The following PLD5 variants were observed in gnomAD, a reference collection of about 807,000 sequenced individuals.
PLD5 encodes the protein inactive phospholipase D5.
Under a neutral mutation model 61.1 loss-of-function variants are expected in PLD5, and 36 were observed. The ratio of observed to expected loss-of-function variants is 0.59; its 90% confidence interval spans 0.45 to 0.78. PLD5 has a LOEUF of 0.78. Ranked by LOEUF, PLD5 falls within the 30% of genes least tolerant of loss-of-function variation. The pLI, the probability that PLD5 is intolerant of heterozygous loss-of-function variation, is 0.00. For synonymous variants in PLD5, 243 were observed against 242.8 expected, an observed-to-expected ratio of 1.00 and a Z score of -0.01; for missense variants, 515 against 644.4, an observed-to-expected ratio of 0.80 and a Z score of 2.17.
Position 242,084,113 on chromosome 1 carries a change from ATCT to A in PLD5, c.*5738_*5740del, listed in dbSNP as rs1326547205. The A allele has an allele frequency of 6.6e-6, 1 of 152,130 alleles. No individual in the cohort carries two copies. The highest frequency in any genetic ancestry group is 1.5e-5 in the Non-Finnish European group (1 of 68,010). The allele number at this position is 152,130 out of a possible 1,614,324, so 9.4% of individuals were successfully genotyped here. ...CTCATATAAAAATAAATCACAAATAATCTTCACCCTTACTATGATTTAATTGGA... is the reference window on the plus strand; with the variant it reads ...CTCATATAAAAATAAATCACAAATAATCACCCTTACTATGATTTAATTGGA... On this transcript the variant is annotated 3_prime_UTR_variant, in exon 10 of 10. Transcript: ENST00000536534.
At chr1:242,351,395 G>A (rs1264912191) in intron 1 of PLD5, among the ~76,000 whole-genome samples, 2 of 152,198 alleles carry the variant, frequency 1.3e-5, no homozygotes, top group Non-Finnish European at 2.9e-5. Context: ...TAATCCCCAT[G>A]TGTCATGGAA....
chr1:242,103,182 C>A (rs1660811955), intron 8 of PLD5, among the ~76,000 whole-genome samples: 1 of 152,130 alleles, frequency 6.6e-6, no homozygotes, highest in Non-Finnish European at 1.5e-5. Context: ...AACAGGGGCT[C>A]CTCTGAGTGC....
chr1:242,098,424 A>G (rs1574289182), intron 9 of PLD5, among the ~76,000 whole-genome samples: 1 of 152,074 alleles, frequency 6.6e-6, no homozygotes, highest in Non-Finnish European at 1.5e-5. Flanking sequence ...TCCTTTAAGG[A>G]CTTCTCTGCA....
chr1:242,148,009 G>A (rs1308755567), intron 5 of PLD5, among the ~76,000 whole-genome samples: 1 of 152,066 alleles, frequency 6.6e-6, no homozygotes, highest in Non-Finnish European at 1.5e-5. Flanking sequence ...CCAACAAACA[G>A]TACTTAATTT....
At chr1:242,257,803 A>T (rs1673164549) in intron 4 of PLD5, among the ~76,000 whole-genome samples, 1 of 152,128 alleles carries the variant, frequency 6.6e-6, no homozygotes, top group Non-Finnish European at 1.5e-5. Flanking sequence ...ACCAAACAGC[A>T]CCTAGTGACA....
At chr1:242,105,617 C>G (rs969678010) in intron 8 of PLD5, among the ~76,000 whole-genome samples, 2 of 152,126 alleles carry the variant, frequency 1.3e-5, no homozygotes, top group Non-Finnish European at 2.9e-5. Context: ...ATATAGAGAA[C>G]AGATCACCCA....
chr1:242,451,846 C>T (rs367565585), intron 1 of PLD5, among the ~76,000 whole-genome samples: 1 of 152,070 alleles, frequency 6.6e-6, no homozygotes, highest in Non-Finnish European at 1.5e-5. Context: ...GAAAGACCTC[C>T]TTAAAGTTTC....
At chr1:242,394,898 T>TAATATATGAA (rs1553366818) in intron 1 of PLD5, among the ~76,000 whole-genome samples, 1 of 102,614 alleles carries the variant, frequency 9.7e-6, no homozygotes, top group Non-Finnish European at 1.9e-5. Context: ...ATATATATGA[T>TAATATATGAA]TATATATGAA....
At chr1:242,238,043 A>G (rs1671753868) in intron 4 of PLD5, among the ~76,000 whole-genome samples, 2 of 152,092 alleles carry the variant, frequency 1.3e-5, no homozygotes, top group South Asian at 4.1e-4. Context: ...TGAACCAGAG[A>G]TAAGTAATTC....
chr1:242,171,831 A>G (rs571714168), intron 5 of PLD5, among the ~76,000 whole-genome samples: 1 of 152,332 alleles, frequency 6.6e-6, no homozygotes, highest in African/African-American at 2.4e-5. Context: ...GGATCAGTGC[A>G]ACAAGAAGAG....
intron 2 of PLD5, among the ~76,000 whole-genome samples, chr1:242,303,499 A>G (rs923762994): frequency 2.6e-5 from 4 of 152,252 alleles, no homozygotes; most frequent in Admixed American, 2.0e-4. Context: ...AACTGAAATT[A>G]TGACATCCGA....
chr1:242,406,823 A>G (rs1664257715), intron 1 of PLD5, among the ~76,000 whole-genome samples: 1 of 152,248 alleles, frequency 6.6e-6, no homozygotes, highest in South Asian at 2.1e-4. Context: ...CGTCCTGGTT[A>G]GCTATCAAAT....
intron 2 of PLD5, among the ~76,000 whole-genome samples, chr1:242,331,409 T>A (rs1281337944): frequency 2.0e-5 from 3 of 151,836 alleles, no homozygotes; most frequent in African/African-American, 7.3e-5. Context: ...TTCACCAAAG[T>A]TGTAATAGGG....
intron 1 of PLD5, among the ~76,000 whole-genome samples, chr1:242,379,969 T>G (rs1662188590): frequency 6.6e-6 from 1 of 152,214 alleles, no homozygotes; most frequent in African/African-American, 2.4e-5. Context: ...TTAATAAGAT[T>G]ATACAACATA....
At chr1:242,378,806 A>C (rs1662115867) in intron 1 of PLD5, among the ~76,000 whole-genome samples, 1 of 152,116 alleles carries the variant, frequency 6.6e-6, no homozygotes, top group African/African-American at 2.4e-5. Flanking sequence ...ACACCACTGC[A>C]CTCCAATCTG....
intron 2 of PLD5, among the ~76,000 whole-genome samples, chr1:242,311,341 G>T (rs1676686888): frequency 6.6e-6 from 1 of 152,192 alleles, no homozygotes; most frequent in East Asian, 1.9e-4. Context: ...ATTGTGTAAT[G>T]GTTAAGAGCA....
chr1:242,266,281 T>G (rs1267060189), intron 3 of PLD5, among the ~76,000 whole-genome samples: 1 of 152,162 alleles, frequency 6.6e-6, no homozygotes, highest in East Asian at 1.9e-4. Flanking sequence ...CTCAGGAGGC[T>G]GAGGCAGGAG....
chr1:242,480,000 G>A (rs980984961), intron 1 of PLD5, among the ~76,000 whole-genome samples: 2 of 150,672 alleles, frequency 1.3e-5, no homozygotes, highest in Non-Finnish European at 2.9e-5. Flanking sequence ...GCAGTAAGTC[G>A]AGATCGTGCC....
chr1:242,090,748 G>T (rs1429906928), intron 9 of PLD5, among the ~76,000 whole-genome samples: 1 of 152,132 alleles, frequency 6.6e-6, no homozygotes, highest in African/African-American at 2.4e-5. Flanking sequence ...CCACAAATTG[G>T]GTGGCTGAAA....
Sources: allele counts gnomAD v4.1 joint callset (sites outside exome capture counted in the v4.1 genomes callset), GRCh38; gene constraint gnomAD v4.1.1; transcripts MANE v1.5; gene names NCBI Gene and HGNC (gene_info 2026-07-23, HGNC 2026-07-21).